Variants in PCDHGA4 observed in about 807,000 individuals in gnomAD.
PCDHGA4 encodes the protein protocadherin gamma subfamily A, 4.
Under a neutral mutation model 54.6 loss-of-function variants are expected in PCDHGA4, and 38 were observed. That is an observed-to-expected ratio of 0.70 (90% CI 0.54 to 0.91). The LOEUF is 0.91. PCDHGA4 is among the 40% of genes least tolerant of loss of function. PCDHGA4 has a pLI of 0.00. For missense variants in PCDHGA4, 1,298 were observed against 1,220.9 expected, an observed-to-expected ratio of 1.06 and a Z score of -0.94; for synonymous variants, 511 against 512.9, an observed-to-expected ratio of 1.00 and a Z score of 0.05.
At chr5:141,361,039 A>G (rs1561522364) in intron 1 of PCDHGA4, 6 of 1,613,496 alleles carry the variant, frequency 3.7e-6, no homozygotes, top group Non-Finnish European at 4.2e-6. Flanking sequence ...AGGAGAAATC[A>G]CGACAAAGGA....
rs753030509 is a variant in PCDHGA4, at chr5:141,431,672, G to A, written c.2515-63135G>A. On this transcript the variant is annotated intron_variant, in intron 1 of 3. Transcript: ENST00000571252. The surrounding 1 kb of genome is among the most constrained non-coding windows in gnomAD (Gnocchi z 4.8). ...TAATTCAGGGACAATATCAACAATA[G>A]GGGAGTTGGACCACGAGGAGTCAGG... The A allele has an allele frequency of 9.3e-6, 15 of 1,614,110 alleles. No homozygotes were observed. Among genetic ancestry groups the A allele is most frequent in the African/African-American group, 4.0e-5 (3 of 74,948 alleles).
rs781336795 is a variant in PCDHGA4, at chr5:141,477,936, C to T, written c.2515-16871C>T. Reference sequence around the variant, plus strand: ...GATGCAGGGCACAATGCCTGGCTCTCCTACAGTCTCTTGGGATCCCCTAAC... The same window carrying T: ...GATGCAGGGCACAATGCCTGGCTCTTCTACAGTCTCTTGGGATCCCCTAAC... On this transcript the variant is annotated intron_variant, in intron 1 of 3. Transcript: ENST00000571252. This position sits in a 1 kb window ranked among gnomAD's most constrained non-coding sequence, Gnocchi z 4.9. 1.2e-6 allele frequency: 2 copies of T among 1,614,170 alleles called. No homozygotes were observed. The highest frequency in any genetic ancestry group is 1.1e-5 in the South Asian group (1 of 91,088).
chr5:141,469,829 A>G (rs2099212486), intron 1 of PCDHGA4, among the ~76,000 whole-genome samples: 1 of 152,102 alleles, frequency 6.6e-6, no homozygotes, highest in African/African-American at 2.4e-5. Context: ...AGGTCACATA[A>G]AACTTATTCT....
chr5:141,431,474 G>A lies in PCDHGA4; in HGVS notation c.2515-63333G>A, dbSNP rs747313827. 2 of 1,613,842 alleles carry A rather than the reference G, an allele frequency of 1.2e-6. No homozygotes were observed. Among genetic ancestry groups the A allele is most frequent in the East Asian group, 4.5e-5 (2 of 44,886 alleles). ...GATGGTTCTGGATGCGAACGACAACGCACCAGCGTTTGCTCAGCCCGAGTA... is the reference window on the plus strand; with the variant it reads ...GATGGTTCTGGATGCGAACGACAACACACCAGCGTTTGCTCAGCCCGAGTA... On this transcript the variant is annotated intron_variant, in intron 1 of 3. Coordinates refer to ENST00000571252, the MANE Select transcript of PCDHGA4 (RefSeq NM_018917.4). This position sits in a 1 kb window ranked among gnomAD's most constrained non-coding sequence, Gnocchi z 4.8.
chr5:141,368,928 C>T (rs190760255), intron 1 of PCDHGA4, among the ~76,000 whole-genome samples: 45 of 152,290 alleles, frequency 3.0e-4, no homozygotes, highest in Middle Eastern at 3.4e-3. Flanking sequence ...GAGTGTCTGT[C>T]TAGAATTCTG....
At chr5:141,464,251 C>G (rs1438610569) in intron 1 of PCDHGA4, among the ~76,000 whole-genome samples, 1 of 141,396 alleles carries the variant, frequency 7.1e-6, no homozygotes, top group African/African-American at 2.7e-5. Context: ...GGCTACAGAG[C>G]GAGACTCCGT....
At chr5:141,450,292 C>T (rs1310226132) in intron 1 of PCDHGA4, among the ~76,000 whole-genome samples, 2 of 152,066 alleles carry the variant, frequency 1.3e-5, no homozygotes, top group African/African-American at 2.4e-5. Context: ...GGATTACAGG[C>T]GTGAGCCACC....
Position 141,477,858 on chromosome 5 carries a change from C to T in PCDHGA4, c.2515-16949C>T. 2 of 1,613,572 alleles carry T rather than the reference C, an allele frequency of 1.2e-6. No individual in the cohort carries two copies. Among genetic ancestry groups the T allele is most frequent in the Non-Finnish European group, 1.7e-6 (2 of 1,179,842 alleles). ...GGTGGGAGCTCGGTGGAGATGCTGC[C>T]TCGAGGTACCTCAGCTGGCCACCTA... On this transcript the variant is annotated intron_variant, in intron 1 of 3. Transcript: ENST00000571252. This position sits in a 1 kb window ranked among gnomAD's most constrained non-coding sequence, Gnocchi z 4.9.
intron 1 of PCDHGA4, among the ~76,000 whole-genome samples, chr5:141,425,406 T>C (rs915792432): frequency 3.9e-5 from 6 of 152,222 alleles, no homozygotes; most frequent in Non-Finnish European, 7.3e-5. Flanking sequence ...TCTGTTAAGG[T>C]ATAACATATA....
At chr5:141,420,811 CT>C (rs2096526727) in intron 1 of PCDHGA4, among the ~76,000 whole-genome samples, 1 of 152,214 alleles carries the variant, frequency 6.6e-6, no homozygotes, top group Admixed American at 6.5e-5. Flanking sequence ...TAAGCAAGCC[CT>C]TTTAATAATT....
In PCDHGA4 at chr5:141,432,973, G is replaced by T. The variant is rs150572360; in HGVS notation, c.2515-61834G>T. The T allele has an allele frequency of 3.7e-6, 6 of 1,614,096 alleles. 1 individual carries two copies. The highest frequency in any genetic ancestry group is 1.7e-5 in the Admixed American group (1 of 60,014). Reference sequence around the variant, plus strand: ...GCGGCTTGACAGGAGCGCCGGCGTCGCACTTTGTGGGCGTGGACGGGGTGC... The same window carrying T: ...GCGGCTTGACAGGAGCGCCGGCGTCTCACTTTGTGGGCGTGGACGGGGTGC... On this transcript the variant is annotated intron_variant, in intron 1 of 3. Coordinates refer to ENST00000571252, the MANE Select transcript of PCDHGA4 (RefSeq NM_018917.4). This position sits in a 1 kb window ranked among gnomAD's most constrained non-coding sequence, Gnocchi z 6.0.
intron 1 of PCDHGA4, chr5:141,389,267 G>A: frequency 6.2e-7 from 1 of 1,614,008 alleles, no homozygotes; most frequent in African/African-American, 1.3e-5. Flanking sequence ...ACGTGGCCGA[G>A]AACAACCCGC....
chr5:141,471,972 T>C (rs952480654), intron 1 of PCDHGA4, among the ~76,000 whole-genome samples: 1 of 152,212 alleles, frequency 6.6e-6, no homozygotes, highest in South Asian at 2.1e-4. Context: ...GTTGCATTAC[T>C]GTATAAATTT....
chr5:141,403,079 T>C (rs770770660), intron 1 of PCDHGA4: 3 of 1,614,064 alleles, frequency 1.9e-6, no homozygotes, highest in Non-Finnish European at 1.7e-6. Flanking sequence ...AGAAAAGGGC[T>C]ATATTGTGGG....
intron 1 of PCDHGA4, chr5:141,404,701 G>C (rs563319884): frequency 1.2e-6 from 2 of 1,613,956 alleles, no homozygotes; most frequent in Non-Finnish European, 1.7e-6. Context: ...GCTCTGCAGA[G>C]CCTGGCTACC....
Position 141,485,138 on chromosome 5 carries a change from T to A in PCDHGA4, c.2515-9669T>A, listed in dbSNP as rs374309554. On this transcript the variant is annotated intron_variant, in intron 1 of 3. Coordinates refer to ENST00000571252, the MANE Select transcript of PCDHGA4 (RefSeq NM_018917.4). This position sits in a 1 kb window ranked among gnomAD's most constrained non-coding sequence, Gnocchi z 5.7. ...TTGGGGCGGGTCGGCTTCATCCGCG[T>A]CTCAGGAGCAAGTAGAGAATTAGCG... is the stretch of plus-strand genomic sequence containing the variant. 17 of 1,528,690 alleles carry A rather than the reference T, an allele frequency of 1.1e-5. No individual in the cohort carries two copies. The highest frequency in any genetic ancestry group is 1.3e-5 in the Non-Finnish European group (14 of 1,109,458). 94.7% of individuals were successfully genotyped at this position (1,528,690 alleles called of 1,614,324 possible).
At chr5:141,471,263 C>T (rs2099253826) in intron 1 of PCDHGA4, 1 of 151,898 alleles carries the variant, frequency 6.6e-6, no homozygotes, top group African/African-American at 2.4e-5. Context: ...GTTGGCAAGG[C>T]TGGTCTCAAA....
rs61612330 is a variant in PCDHGA4 at position 141,454,796 on chromosome 5, A to ATTTTTTTTTTTTTTTT, written c.2515-39997_2515-39982dup. Among the ~76,000 whole-genome samples the ATTTTTTTTTTTTTTTT allele has an allele frequency of 1.2e-3, 96 of 77,456 alleles. 8 individuals are homozygous for ATTTTTTTTTTTTTTTT. The highest frequency in any genetic ancestry group is 2.0e-3 in the South Asian group (4 of 1,960). 50.8% of individuals were successfully genotyped at this position (77,456 alleles called of 152,430 possible). A position where few individuals can be genotyped will look rare whatever the true frequency, so the allele number is the denominator to read the frequency against. ...AAGGAAATAATCCTCCATGGTTCTA[A>ATTTTTTTTTTTTTTTT]TTTTTTTTTTTTTTTTTTTTTTTTT... On this transcript the variant is annotated intron_variant, in intron 1 of 3. Coordinates refer to ENST00000571252, the MANE Select transcript of PCDHGA4 (RefSeq NM_018917.4).
intron 1 of PCDHGA4, chr5:141,371,441 G>C: frequency 1.2e-6 from 2 of 1,613,958 alleles, no homozygotes; most frequent in Non-Finnish European, 1.7e-6. Context: ...AGATAACCCT[G>C]GCTTCTGAAT....
Sources: gnomAD v4.1 joint callset for allele counts (sites outside exome capture counted in the v4.1 genomes callset) on GRCh38, gnomAD v4.1.1 for gene constraint, Gnocchi (gnomAD v3.1) non-coding constraint, MANE v1.5 for transcripts, NCBI Gene and HGNC (gene_info 2026-07-23, HGNC 2026-07-21) for gene names.